MBD3: variants seen among roughly 807,000 people sequenced by gnomAD.
MBD3 encodes the protein methyl-CpG-binding domain protein 3.
In MBD3, 13 loss-of-function variants were observed where a neutral mutation model predicts 31.2. The ratio of observed to expected loss-of-function variants is 0.42; its 90% confidence interval spans 0.27 to 0.66. MBD3 has a LOEUF of 0.66. MBD3 is among the 30% of genes least tolerant of loss of function. The pLI is 0.26. For missense variants in MBD3, 440 were observed against 426.5 expected (o/e 1.03, Z -0.28); for synonymous variants, 223 against 187.4 (o/e 1.19, Z -1.55).
At position 1,576,421 on chromosome 19, in the gene MBD3, G is replaced by C. The variant is rs984618129; in HGVS notation, c.*1743C>G. Reference sequence around the variant, plus strand: ...GAGCCCCAGCCCATCTTCCTCACCGGGGCAGCAGGGCCAAGACCCACGATC... The same window carrying C: ...GAGCCCCAGCCCATCTTCCTCACCGCGGCAGCAGGGCCAAGACCCACGATC... On this transcript the variant is annotated 3_prime_UTR_variant, in exon 7 of 7. Transcript: ENST00000434436. The C allele has an allele frequency of 6.6e-6, 1 of 152,254 alleles. No homozygotes were observed. The highest frequency in any genetic ancestry group is 1.5e-5 in the Non-Finnish European group (1 of 68,076). 9.4% of individuals were successfully genotyped at this position (152,254 alleles called of 1,614,324 possible). A position where few individuals can be genotyped will look rare whatever the true frequency, so the allele number is the denominator to read the frequency against.
At chr19:1,584,893 C>T in intron 2 of MBD3, 162 bp downstream of exon 2, 7 of 1,158,992 alleles carry the variant, frequency 6.0e-6, no homozygotes, top group African/African-American at 1.5e-5. Flanking sequence ...ATGCGCCTTG[C>T]GCTCTGCACC....
At position 1,578,263 on chromosome 19, in the gene MBD3, C is replaced by A; in HGVS notation, c.*5+72G>T. ...CTTGGGAGGCACCCGTCATCCCAAGCACATCTGTGTTCACCAGGCAGTCCC... is the reference window on the plus strand; with the variant it reads ...CTTGGGAGGCACCCGTCATCCCAAGAACATCTGTGTTCACCAGGCAGTCCC... On this transcript the variant is annotated intron_variant, in intron 6 of 6. Coordinates refer to ENST00000434436, the MANE Select transcript of MBD3 (RefSeq NM_001281453.2). This position sits in a 1 kb window ranked among gnomAD's most constrained non-coding sequence, Gnocchi z 6.1. The A allele has an allele frequency of 6.3e-7, 1 of 1,592,876 alleles. No individual in the cohort carries two copies. Among genetic ancestry groups the A allele is most frequent in the Non-Finnish European group, 8.5e-7 (1 of 1,176,102 alleles).
At chr19:1,588,940 G>A (rs968894346) in intron 1 of MBD3, among the ~76,000 whole-genome samples, 1 of 152,158 alleles carries the variant, frequency 6.6e-6, no homozygotes, top group Non-Finnish European at 1.5e-5. Context: ...GAGGATAGCT[G>A]CCTATATCCG....
At chr19:1,591,543 C>T (rs745973733) in intron 1 of MBD3, among the ~76,000 whole-genome samples, 1 of 152,178 alleles carries the variant, frequency 6.6e-6, no homozygotes, top group Non-Finnish European at 1.5e-5. Flanking sequence ...AAAAGGGGGA[C>T]CAGCCGCACA....
chr19:1,585,316 G>A lies in MBD3; in HGVS notation c.111-102C>T. 3 of 1,345,122 alleles carry A rather than the reference G, an allele frequency of 2.2e-6. No individual in the cohort carries two copies. Among genetic ancestry groups the A allele is most frequent in the Non-Finnish European group, 3.0e-6 (3 of 989,552 alleles). The allele number at this position is 1,345,122 out of a possible 1,614,324, so 83.3% of individuals were successfully genotyped here. A position where few individuals can be genotyped will look rare whatever the true frequency, so the allele number is the denominator to read the frequency against. ...CCAGTCCCAGCCCCAGCTTCAGGTC[G>A]CGACCCCAGCCCCAGACCCCAACAC... On this transcript the variant is annotated intron_variant, in intron 1 of 6. Coordinates refer to ENST00000434436, the MANE Select transcript of MBD3 (RefSeq NM_001281453.2). The surrounding 1 kb of genome is among the most constrained non-coding windows in gnomAD (Gnocchi z 4.1).
intron 3 of MBD3, among the ~76,000 whole-genome samples, chr19:1,583,014 G>T (rs2060660185): frequency 6.6e-6 from 1 of 152,054 alleles, no homozygotes; most frequent in Non-Finnish European, 1.5e-5. Flanking sequence ...GACCAGCCTG[G>T]TCAACATGGT....
At position 1,583,955 on chromosome 19, in the gene MBD3, G is replaced by A. The variant is rs1410686677; in HGVS notation, c.408+585C>T. ...TCCTGCCTCAGCCTCCCGGGTAGCT[G>A]GGATTACAGGCGCACACCACCACGC... On this transcript the variant is annotated intron_variant, in intron 3 of 6. Transcript: ENST00000434436. Among the ~76,000 whole-genome samples, 3 of 152,102 alleles carry A rather than the reference G, an allele frequency of 2.0e-5. No homozygotes were observed. The East Asian group carries it at 5.8e-4, about 29-fold the overall frequency.
In MBD3 at chr19:1,578,534, G is replaced by A; in HGVS notation, c.682C>T (p.Gln228Ter). The change falls in exon 6 of 7, where the codon CAG becomes TAG. Residue 228 changes from glutamine to a stop codon, truncating the protein, a stop_gained. Coordinates refer to ENST00000434436, the MANE Select transcript of MBD3 (RefSeq NM_001281453.2). LOFTEE classifies it high-confidence loss of function. The surrounding 1 kb of genome is among the most constrained non-coding windows in gnomAD (Gnocchi z 6.1). ...FMVTDEDIRKQEELVQQVRKR... is the reference protein window; with the variant it reads ...FMVTDEDIRK ...CGCACCTGCTGCACCAGCTCTTCCT[G>A]CTTCCTGGGGACACATGGACCTTGC... is the stretch of plus-strand genomic sequence containing the variant. The A allele has an allele frequency of 6.2e-7, 1 of 1,612,110 alleles. No homozygotes were observed. The highest frequency in any genetic ancestry group is 8.5e-7 in the Non-Finnish European group (1 of 1,179,908).
Position 1,585,247 on chromosome 19 carries a change from C to A in MBD3, c.111-33G>T. 1 of 1,547,680 alleles carries A rather than the reference C, an allele frequency of 6.5e-7. No homozygotes were observed. On this transcript the variant is annotated intron_variant, in intron 1 of 6. Coordinates refer to ENST00000434436, the MANE Select transcript of MBD3 (RefSeq NM_001281453.2). This position sits in a 1 kb window ranked among gnomAD's most constrained non-coding sequence, Gnocchi z 4.1. Reference sequence around the variant, plus strand: ...GAGGCGGGACGGTCGGCGCCCCGGGCGGACCCCAGACCCCAAACCCAGGCC... The same window carrying A: ...GAGGCGGGACGGTCGGCGCCCCGGGAGGACCCCAGACCCCAAACCCAGGCC...
intron 1 of MBD3, among the ~76,000 whole-genome samples, chr19:1,589,351 A>G (rs1430030007): frequency 1.3e-5 from 2 of 149,678 alleles, no homozygotes; most frequent in African/African-American, 2.5e-5. Context: ...TCTCAAAAAA[A>G]AAAAAAAAAA....
Position 1,582,626 on chromosome 19 carries a change from C to T in MBD3, c.495G>A (p.Leu165=), listed in dbSNP as rs147621615. 1 of 1,613,760 alleles carries T rather than the reference C, an allele frequency of 6.2e-7. No individual in the cohort carries two copies. Among genetic ancestry groups the T allele is most frequent in the South Asian group, 1.1e-5 (1 of 91,024 alleles). The change falls in exon 4 of 7, where the codon CTG becomes CTA. Residue 165 remains leucine, a synonymous_variant. Coordinates refer to ENST00000434436, the MANE Select transcript of MBD3 (RefSeq NM_001281453.2). The part of the protein sequence containing the change: ...LVKTMDLPKG[L]QGVGPGCTDE... Reference sequence around the variant, plus strand: ...CCCCTCAGGGTGCCCGCTCACCCTGCAGGCCCTTGGGGAGGTCCATGGTCT... The same window carrying T: ...CCCCTCAGGGTGCCCGCTCACCCTGTAGGCCCTTGGGGAGGTCCATGGTCT...
chr19:1,587,409 T>C (rs1436145747), intron 1 of MBD3, among the ~76,000 whole-genome samples: 1 of 144,992 alleles, frequency 6.9e-6, no homozygotes. Context: ...GCTTCATTTC[T>C]TTTTTTTTTC....
chr19:1,583,387 C>CAAAAAA (rs58372630), intron 3 of MBD3: 31 of 66,424 alleles, frequency 4.7e-4, no homozygotes, highest in East Asian at 8.1e-4. Flanking sequence ...GACTCTGTCA[C>CAAAAAA]AAAAAAAAAA....
Position 1,591,155 on chromosome 19 carries a change from CCA to C in MBD3, c.110+1365_110+1366del, listed in dbSNP as rs532077577. On this transcript the variant is annotated intron_variant, in intron 1 of 6. Transcript: ENST00000434436. The stretch of plus-strand genomic sequence containing the variant: ...GTCCTCAGAGAAGCCCTCCCTGACC[CCA>C]GTCTCATTCAGGCCCCGTCATCTGC... Among the ~76,000 whole-genome samples, 672 of 152,292 alleles carry C rather than the reference CCA, an allele frequency of 4.4e-3. 7 individuals carry two copies. Among genetic ancestry groups the C allele is most frequent in the African/African-American group, 0.015 (640 of 41,556 alleles).
intron 2 of MBD3, 24 bp from the exon 3 acceptor site, chr19:1,584,701 C>G (rs775997803): frequency 2.5e-6 from 4 of 1,605,958 alleles, no homozygotes; most frequent in East Asian, 2.2e-5. Flanking sequence ...GATATGCAGT[C>G]CGGCCTGGGG....
At position 1,581,922 on chromosome 19, in the gene MBD3, T is replaced by C. The variant is rs540141237; in HGVS notation, c.500-653A>G. Among the ~76,000 whole-genome samples, 93 of 152,116 alleles carry C rather than the reference T, an allele frequency of 6.1e-4. 1 individual carries two copies. The highest frequency in any genetic ancestry group is 3.4e-3 in the Middle Eastern group (1 of 294). On this transcript the variant is annotated intron_variant, in intron 4 of 6. Transcript: ENST00000434436. The stretch of plus-strand genomic sequence containing the variant: ...AGCTGAGACTACAGGCGGCCGCCAC[T>C]ACACCCGGCTAATTTTTTGTATTTT...
In MBD3 at chr19:1,578,550, T is replaced by G. The variant is rs761351052; in HGVS notation, c.678-12A>C. On this transcript the variant is annotated splice_polypyrimidine_tract_variant and intron_variant, in intron 5 of 6. Coordinates refer to ENST00000434436, the MANE Select transcript of MBD3 (RefSeq NM_001281453.2). The surrounding 1 kb of genome is among the most constrained non-coding windows in gnomAD (Gnocchi z 6.1). Reference sequence around the variant, plus strand: ...GCTCTTCCTGCTTCCTGGGGACACATGGACCTTGCGTTACACCAAGGTGAG... The same window carrying G: ...GCTCTTCCTGCTTCCTGGGGACACAGGGACCTTGCGTTACACCAAGGTGAG... The G allele has an allele frequency of 6.2e-7, 1 of 1,611,568 alleles. No homozygotes were observed.
Position 1,584,922 on chromosome 19 carries a change from G to A in MBD3, c.270+133C>T, listed in dbSNP as rs1419607725. The A allele has an allele frequency of 9.8e-6, 13 of 1,328,522 alleles. No individual in the cohort carries two copies. The Admixed American group carries it at 2.2e-4, about 22-fold the overall frequency. 82.3% of individuals were successfully genotyped at this position (1,328,522 alleles called of 1,614,324 possible). The stretch of plus-strand genomic sequence containing the variant: ...CTGCACCCTGTGGCCTGCGCCTTCC[G>A]CTCTGTGCCCTCCGCCCGCTGTGAC... On this transcript the variant is annotated intron_variant, in intron 2 of 6. Coordinates refer to ENST00000434436, the MANE Select transcript of MBD3 (RefSeq NM_001281453.2).
Position 1,585,655 on chromosome 19 carries a change from C to G in MBD3, c.111-441G>C, listed in dbSNP as rs1163483499. On this transcript the variant is annotated intron_variant, in intron 1 of 6. Coordinates refer to ENST00000434436, the MANE Select transcript of MBD3 (RefSeq NM_001281453.2). The surrounding 1 kb of genome is among the most constrained non-coding windows in gnomAD (Gnocchi z 4.1). ...ACCTACAGGGCTTTGGGCCCCGGCTCTGGGAGGATGGCTCACATGTCCAGA... is the reference window on the plus strand; with the variant it reads ...ACCTACAGGGCTTTGGGCCCCGGCTGTGGGAGGATGGCTCACATGTCCAGA... 4.7e-6 allele frequency: 1 copy of G among 213,500 alleles called. No individual in the cohort carries two copies. 13.2% of individuals were successfully genotyped at this position (213,500 alleles called of 1,614,324 possible).
Sources: allele counts gnomAD v4.1 joint callset (sites outside exome capture counted in the v4.1 genomes callset), GRCh38; gene constraint gnomAD v4.1.1; non-coding constraint Gnocchi (gnomAD v3.1); transcripts MANE v1.5; gene names NCBI Gene and HGNC (gene_info 2026-07-23, HGNC 2026-07-21).